VWC2L: variants seen among roughly 807,000 people sequenced by gnomAD.
VWC2L encodes the protein von Willebrand factor C domain containing 2 like, also known as von Willebrand factor C domain-containing protein 2-like.
Under a neutral mutation model 21.6 loss-of-function variants are expected in VWC2L, and 10 were observed. That is an observed-to-expected ratio of 0.46 (90% CI 0.29 to 0.78). The LOEUF is 0.78. VWC2L is among the 30% of genes least tolerant of loss of function. The pLI is 0.10. For missense variants in VWC2L, 209 were observed against 277.1 expected (o/e 0.75, Z 1.74); for synonymous variants, 96 against 94.3 (o/e 1.02, Z -0.10).
chr2:214,445,067 A>C (rs1282600917), intron 3 of VWC2L, among the ~76,000 whole-genome samples: 1 of 151,950 alleles, frequency 6.6e-6, no homozygotes, highest in African/African-American at 2.4e-5. Flanking sequence ...TATCATGTTG[A>C]GTAGTTAGGT....
chr2:214,557,379 T>A (rs972956236), intron 3 of VWC2L, among the ~76,000 whole-genome samples: 3 of 152,144 alleles, frequency 2.0e-5, no homozygotes, highest in Non-Finnish European at 4.4e-5. Context: ...TTAAATTATC[T>A]CCCACCAGTT....
chr2:214,487,923 AG>A (rs1688692804), intron 3 of VWC2L, among the ~76,000 whole-genome samples: 1 of 152,230 alleles, frequency 6.6e-6, no homozygotes, highest in Non-Finnish European at 1.5e-5. Context: ...CAGGTCTCAC[AG>A]AAAAGTGGAA....
intron 3 of VWC2L, among the ~76,000 whole-genome samples, chr2:214,486,352 G>A (rs1439430767): frequency 6.6e-6 from 1 of 152,194 alleles, no homozygotes; most frequent in Admixed American, 6.5e-5. Context: ...ACCACCATGT[G>A]TAACAGCGTG....
chr2:214,478,622 C>T (rs558195557), intron 3 of VWC2L, among the ~76,000 whole-genome samples: 1 of 152,330 alleles, frequency 6.6e-6, no homozygotes, highest in Non-Finnish European at 1.5e-5. Flanking sequence ...CCCACTACCA[C>T]ACTGCAGCTT....
rs115523748 is a variant in VWC2L at position 214,454,310 on chromosome 2, G to A, written c.520+17552G>A. 3.1e-3 allele frequency among the ~76,000 whole-genome samples: 475 copies of A among 152,136 alleles called. 2 individuals are homozygous for A. Among genetic ancestry groups the A allele is most frequent in the African/African-American group, 0.011 (445 of 41,512 alleles). ...TGCTTTTTAGAACATCCCATACAACGTTGAATAGAGATGGTAAAAACTGTA... is the reference window on the plus strand; with the variant it reads ...TGCTTTTTAGAACATCCCATACAACATTGAATAGAGATGGTAAAAACTGTA... On this transcript the variant is annotated intron_variant, in intron 3 of 3. Coordinates refer to ENST00000312504, the MANE Select transcript of VWC2L (RefSeq NM_001080500.4).
At chr2:214,522,720 CTAAT>C (rs1689264724) in intron 3 of VWC2L, among the ~76,000 whole-genome samples, 1 of 152,032 alleles carries the variant, frequency 6.6e-6, no homozygotes, top group African/African-American at 2.4e-5. Flanking sequence ...AACATACTAC[CTAAT>C]TATCATTACA....
chr2:214,460,653 TTC>T (rs1703127169), intron 3 of VWC2L, among the ~76,000 whole-genome samples: 1 of 152,218 alleles, frequency 6.6e-6, no homozygotes, highest in Non-Finnish European at 1.5e-5. Context: ...TTTGATGAAT[TTC>T]TGATTCATAT....
intron 3 of VWC2L, among the ~76,000 whole-genome samples, chr2:214,569,254 G>A (rs181200173): frequency 5.3e-5 from 8 of 152,190 alleles, no homozygotes; most frequent in African/African-American, 1.9e-4. Flanking sequence ...TCATCCATGA[G>A]TGCTCTGTGG....
chr2:214,538,127 T>C lies in VWC2L; in HGVS notation c.521-37545T>C, dbSNP rs1290229714. Among the ~76,000 whole-genome samples, 4 of 152,114 alleles carry C rather than the reference T, an allele frequency of 2.6e-5. No homozygotes were observed. The East Asian group carries it at 7.7e-4, about 29-fold the overall frequency. On this transcript the variant is annotated intron_variant, in intron 3 of 3. Transcript: ENST00000312504. Reference sequence around the variant, plus strand: ...CATGGTAAACAATGTGACAAGCATGTATCCTAGTGTCGGCATGACTGTGAC... The same window carrying C: ...CATGGTAAACAATGTGACAAGCATGCATCCTAGTGTCGGCATGACTGTGAC...
rs555873875 is a variant in VWC2L, at chr2:214,533,075, G to A, written c.521-42597G>A. On this transcript the variant is annotated intron_variant, in intron 3 of 3. Transcript: ENST00000312504. ...GACAGTCTACAACCTCTACAAGTGA[G>A]CAGAACAAAATTCTGCCTACATCAC... is the stretch of plus-strand genomic sequence containing the variant. Among the ~76,000 whole-genome samples the A allele has an allele frequency of 3.9e-5, 6 of 152,088 alleles. No homozygotes were observed. The East Asian group carries it at 1.2e-3, about 29-fold the overall frequency.
At chr2:214,436,503 A>G (rs929449444) in intron 2 of VWC2L, 126 bp from the exon 3 acceptor site, 3 of 1,218,792 alleles carry the variant, frequency 2.5e-6, no homozygotes, top group Non-Finnish European at 3.4e-6. Context: ...GATCGTAGAC[A>G]TGGTAAATGG....
At chr2:214,437,790 AT>A (rs1299186691) in intron 3 of VWC2L, among the ~76,000 whole-genome samples, 1 of 152,122 alleles carries the variant, frequency 6.6e-6, no homozygotes, top group Non-Finnish European at 1.5e-5. Flanking sequence ...ATAAAAAAAT[AT>A]TTTTAAAAGA....
chr2:214,526,051 C>G (rs1689328782), intron 3 of VWC2L, among the ~76,000 whole-genome samples: 1 of 150,976 alleles, frequency 6.6e-6, no homozygotes, highest in South Asian at 2.1e-4. Flanking sequence ...TTTATTTTCC[C>G]AGTCATACCA....
chr2:214,464,682 G>A (rs1489273036), intron 3 of VWC2L, among the ~76,000 whole-genome samples: 1 of 152,006 alleles, frequency 6.6e-6, no homozygotes, highest in Non-Finnish European at 1.5e-5. Flanking sequence ...CTCTTCAGTT[G>A]GCAGGTGACT....
intron 3 of VWC2L, among the ~76,000 whole-genome samples, chr2:214,517,122 C>T (rs1689156052): frequency 6.6e-6 from 1 of 152,238 alleles, no homozygotes; most frequent in Non-Finnish European, 1.5e-5. Flanking sequence ...CTCCATGTTT[C>T]TAAATTCGTT....
intron 3 of VWC2L, among the ~76,000 whole-genome samples, chr2:214,535,618 A>C (rs1258614627): frequency 1.3e-5 from 2 of 152,134 alleles, no homozygotes; most frequent in Non-Finnish European, 2.9e-5. Context: ...AAATATAAAC[A>C]AAAGGGTGAT....
chr2:214,492,400 T>C (rs1688757866), intron 3 of VWC2L, among the ~76,000 whole-genome samples: 1 of 152,312 alleles, frequency 6.6e-6, no homozygotes, highest in South Asian at 2.1e-4. Context: ...AAGCACCTTG[T>C]GACATTTGTT....
At chr2:214,490,932 A>C (rs1346007232) in intron 3 of VWC2L, among the ~76,000 whole-genome samples, 1 of 152,196 alleles carries the variant, frequency 6.6e-6, no homozygotes, top group Non-Finnish European at 1.5e-5. Context: ...GAGAAGCAAA[A>C]CACAGAAGTC....
intron 3 of VWC2L, among the ~76,000 whole-genome samples, chr2:214,447,636 T>A (rs982187696): frequency 2.0e-5 from 3 of 152,148 alleles, no homozygotes; most frequent in Non-Finnish European, 2.9e-5. Context: ...GGTGTGTTCT[T>A]CATCCTTAAA....
Sources: allele counts gnomAD v4.1 joint callset (sites outside exome capture counted in the v4.1 genomes callset), GRCh38; gene constraint gnomAD v4.1.1; transcripts MANE v1.5; gene names NCBI Gene and HGNC (gene_info 2026-07-23, HGNC 2026-07-21).